The following PCID2 variants were observed in gnomAD, a reference collection of about 807,000 sequenced individuals.
PCID2 encodes PCI domain containing 2.
PCID2 carries 41 observed loss-of-function variants against 61.3 expected under a neutral mutation model. The ratio of observed to expected loss-of-function variants is 0.67; its 90% confidence interval spans 0.52 to 0.87. The LOEUF (loss-of-function observed/expected upper bound fraction) is 0.87. PCID2 is among the 40% of genes least tolerant of loss of function. PCID2 has a pLI of 0.00. For missense variants in PCID2, 392 were observed against 493.4 expected (o/e 0.79, Z 1.95); for synonymous variants, 187 against 177.8 (o/e 1.05, Z -0.41).
chr13:113,191,089 C>T (rs1469506331), intron 6 of PCID2, 114 bp from the exon 7 acceptor site: 2 of 579,654 alleles, frequency 3.5e-6, no homozygotes, highest in South Asian at 2.8e-5. Flanking sequence ...ACCTCCTGGG[C>T]TCCACTGATC....
chr13:113,165,333 C>G, the PCID2 span: 1 of 642,502 alleles, frequency 1.6e-6, no homozygotes, highest in South Asian at 1.7e-5. Flanking sequence ...TTACAGCCCC[C>G]AAGACCTTTC....
downstream of PCID2, among the ~76,000 whole-genome samples, chr13:113,177,145 T>C (rs1236818470): frequency 6.6e-6 from 1 of 152,222 alleles, no homozygotes; most frequent in Non-Finnish European, 1.5e-5. Flanking sequence ...TTTTATTTAT[T>C]TATTTTTTTG....
At chr13:113,192,377 C>A (rs1258792160) in intron 6 of PCID2, among the ~76,000 whole-genome samples, 1 of 152,218 alleles carries the variant, frequency 6.6e-6, no homozygotes, top group Admixed American at 6.5e-5. Context: ...TTCTGTTGCA[C>A]ACGGGTGTCT....
chr13:113,168,937 C>G, the PCID2 span, among the ~76,000 whole-genome samples: 24 of 152,230 alleles, frequency 1.6e-4, no homozygotes, highest in Non-Finnish European at 3.1e-4. Flanking sequence ...CTATGTTGCT[C>G]AGGCTGGTCT....
chr13:113,200,593 T>C (rs2039347429), intron 1 of PCID2, 77 bp from the exon 2 acceptor site: 1 of 921,298 alleles, frequency 1.1e-6, no homozygotes, highest in South Asian at 1.4e-5. Flanking sequence ...ATACACTGAA[T>C]GCCACACAGG....
rs533436187 is a variant in PCID2, at chr13:113,195,625, C to T, written c.309-500G>A. The stretch of plus-strand genomic sequence containing the variant: ...GAGGCTGCAGTGAGCCAAGACTGCG[C>T]CACTGCACTCCAGCCTCGGCGACTG... On this transcript the variant is annotated intron_variant, in intron 5 of 13. Coordinates refer to ENST00000337344, the MANE Select transcript of PCID2 (RefSeq NM_001127202.4). Among the ~76,000 whole-genome samples, 49 of 151,960 alleles carry T rather than the reference C, an allele frequency of 3.2e-4. 1 individual carries two copies. The South Asian group carries it at 0.01, about 32-fold the overall frequency.
intron 5 of PCID2, among the ~76,000 whole-genome samples, chr13:113,195,546 A>G (rs1013066321): frequency 3.3e-5 from 5 of 152,280 alleles, no homozygotes; most frequent in African/African-American, 4.8e-5. Context: ...GCAAAACTGG[A>G]CTGTTTTCAT....
intron 1 of PCID2, among the ~76,000 whole-genome samples, chr13:113,204,157 G>T (rs190869360): frequency 1.3e-5 from 2 of 152,250 alleles, no homozygotes; most frequent in Admixed American, 6.5e-5. Context: ...GCGATCTCTC[G>T]CACCACCCAG....
At chr13:113,166,618 G>A in the PCID2 span, among the ~76,000 whole-genome samples, 3 of 152,198 alleles carry the variant, frequency 2.0e-5, no homozygotes, top group East Asian at 1.9e-4. Flanking sequence ...CAAAGCAGAC[G>A]GAGTGATGGA....
chr13:113,180,042 G>A lies in PCID2; in HGVS notation c.861C>T (p.Ser287=), dbSNP rs938380846. The A allele has an allele frequency of 1.5e-5, 25 of 1,613,856 alleles. No individual in the cohort carries two copies. The highest frequency in any genetic ancestry group is 2.2e-5 in the South Asian group (2 of 91,090). The change falls in exon 12 of 14, where the codon AGC becomes AGT. Residue 287 remains serine, a splice_region_variant and synonymous_variant. Coordinates refer to ENST00000337344, the MANE Select transcript of PCID2 (RefSeq NM_001127202.4). ...MQFAEVTRAV[S]EGNLLLLHEA... ...CGTGCAGCAGCAGCAGGTTGCCCTC[G>A]CTGGTGAGGGGGGAGGCGCGTCAGA...
At chr13:113,169,806 C>A in the PCID2 span, among the ~76,000 whole-genome samples, 1 of 152,222 alleles carries the variant, frequency 6.6e-6, no homozygotes, top group Non-Finnish European at 1.5e-5. Context: ...TCTTACCCGG[C>A]CATAATTAGT....
chr13:113,191,666 T>G (rs571044200), intron 6 of PCID2, among the ~76,000 whole-genome samples: 42 of 152,286 alleles, frequency 2.8e-4, no homozygotes, highest in African/African-American at 1.0e-3. Flanking sequence ...GAGGATGGCC[T>G]TGGTTAAAGA....
chr13:113,187,821 TA>T (rs1246097256), intron 7 of PCID2: 1 of 152,244 alleles, frequency 6.6e-6, no homozygotes, highest in African/African-American at 2.4e-5. Context: ...CTTTGAAGTC[TA>T]AAGTTTTTAA....
the PCID2 span, among the ~76,000 whole-genome samples, chr13:113,169,855 T>C: frequency 6.6e-6 from 1 of 152,242 alleles, no homozygotes; most frequent in Admixed American, 6.5e-5. Flanking sequence ...TGCTGAAAAC[T>C]GCTAGGCATG....
intron 9 of PCID2, 139 bp downstream of exon 9, chr13:113,184,207 T>A: frequency 1.1e-6 from 1 of 888,702 alleles, no homozygotes; most frequent in Non-Finnish European, 1.7e-6. Context: ...TCAGCTTTAG[T>A]GTCAAATATG....
chr13:113,208,651 G>T lies in PCID2; in HGVS notation c.-17C>A, dbSNP rs772849316. ...GTGCGCCATGGGAGCGCCGCCGAACGGAGAGCGCCACCCCCTACGCCTCAA... is the reference window on the plus strand; with the variant it reads ...GTGCGCCATGGGAGCGCCGCCGAACTGAGAGCGCCACCCCCTACGCCTCAA... On this transcript the variant is annotated 5_prime_UTR_variant, in exon 1 of 14. Coordinates refer to ENST00000337344, the MANE Select transcript of PCID2 (RefSeq NM_001127202.4). The T allele has an allele frequency of 1.9e-5, 31 of 1,604,644 alleles. No homozygotes were observed. In the South Asian group the frequency reaches 3.4e-4, roughly 18 times the overall value.
At chr13:113,208,283 C>A (rs553602049) in intron 1 of PCID2, 2 of 1,432,708 alleles carry the variant, frequency 1.4e-6, no homozygotes, top group African/African-American at 1.4e-5. Context: ...CCCTTCGGAC[C>A]GCCTGGGAGC....
chr13:113,207,913 C>T, intron 1 of PCID2: 4 of 949,678 alleles, frequency 4.2e-6, no homozygotes, highest in Non-Finnish European at 6.9e-6. Context: ...CCCTATATTT[C>T]CTATCCCTGT....
intron 5 of PCID2, among the ~76,000 whole-genome samples, chr13:113,195,974 C>T (rs996584641): frequency 6.6e-6 from 1 of 152,172 alleles, no homozygotes; most frequent in African/African-American, 2.4e-5. Flanking sequence ...GACATAGACA[C>T]ACTGCAAACA....
Sources: allele counts gnomAD v4.1 joint callset (sites outside exome capture counted in the v4.1 genomes callset), GRCh38; gene constraint gnomAD v4.1.1; transcripts MANE v1.5; gene names NCBI Gene and HGNC (gene_info 2026-07-23, HGNC 2026-07-21).